MAD1L1: variants seen among roughly 807,000 people sequenced by gnomAD.
MAD1L1 encodes the protein mitotic spindle assembly checkpoint protein MAD1.
MAD1L1 carries 95 observed loss-of-function variants against 96.9 expected under a neutral mutation model. That is an observed-to-expected ratio of 0.98 (90% CI 0.83 to 1.16). MAD1L1 has a LOEUF of 1.16. Ranked by LOEUF, MAD1L1 falls within the 50% of genes most tolerant of loss-of-function variation. The pLI is 0.00. For synonymous variants in MAD1L1, 473 were observed against 396.6 expected (o/e 1.19, Z -2.29); for missense variants, 1,007 against 954.4 (o/e 1.06, Z -0.73).
chr7:1,927,539 G>A (rs753263380), intron 17 of MAD1L1, among the ~76,000 whole-genome samples: 3 of 152,134 alleles, frequency 2.0e-5, no homozygotes, highest in South Asian at 4.1e-4. Context: ...CCCCCATAAC[G>A]CATGGCCAAC....
At chr7:1,849,699 C>A in intron 18 of MAD1L1, 1 of 152,308 alleles carries the variant, frequency 6.6e-6, no homozygotes. Flanking sequence ...AGGTGGAACC[C>A]CAGGTGTAAA....
rs1301270210 is a variant in MAD1L1 at position 1,819,604 on chromosome 7, A to G, written c.1999-3376T>C. Among the ~76,000 whole-genome samples, 3 of 152,064 alleles carry G rather than the reference A, an allele frequency of 2.0e-5. No homozygotes were observed. The East Asian group carries it at 5.8e-4, about 29-fold the overall frequency. On this transcript the variant is annotated intron_variant, in intron 18 of 18. Transcript: ENST00000265854. ...CAGCTCTGCCACGTGAGCAGTGCTC[A>G]CTCGGTGCCTAGGGCTGACTAGTCT...
At chr7:2,087,237 C>A (rs1467912920) in intron 11 of MAD1L1, among the ~76,000 whole-genome samples, 1 of 152,160 alleles carries the variant, frequency 6.6e-6, no homozygotes. Context: ...AATTTTACTA[C>A]CAATAAATAA....
At chr7:1,854,484 T>G in intron 18 of MAD1L1, 1 of 406,202 alleles carries the variant, frequency 2.5e-6, no homozygotes, top group East Asian at 7.8e-5. Context: ...ACTTGGTGTT[T>G]GGTGATGGAG....
At chr7:2,049,451 G>T (rs1784069594) in intron 12 of MAD1L1, among the ~76,000 whole-genome samples, 1 of 152,250 alleles carries the variant, frequency 6.6e-6, no homozygotes. Context: ...GGTGGCAAAA[G>T]GCTCGGGGGC....
chr7:2,169,989 C>T (rs954882985), intron 10 of MAD1L1, among the ~76,000 whole-genome samples: 1 of 152,230 alleles, frequency 6.6e-6, no homozygotes, highest in African/African-American at 2.4e-5. Context: ...TGAGACGAGA[C>T]AGGATGCAGA....
At chr7:2,220,671 C>T (rs972265497) in intron 5 of MAD1L1, among the ~76,000 whole-genome samples, 5 of 152,212 alleles carry the variant, frequency 3.3e-5, no homozygotes, top group Non-Finnish European at 7.4e-5. Flanking sequence ...CAGCTTAGGG[C>T]CTGCTGAAGC....
intron 11 of MAD1L1, among the ~76,000 whole-genome samples, chr7:2,099,752 T>TC (rs1266674958): frequency 1.3e-5 from 2 of 152,190 alleles, no homozygotes; most frequent in African/African-American, 4.8e-5. Flanking sequence ...CTGTGAACAG[T>TC]CCTCAGGCGT....
At chr7:1,840,140 GAC>G (rs1783170009) in intron 18 of MAD1L1, among the ~76,000 whole-genome samples, 1 of 152,312 alleles carries the variant, frequency 6.6e-6, no homozygotes, top group Admixed American at 6.5e-5. Context: ...GCCCAGGTCT[GAC>G]ACTCTCTTTC....
At chr7:2,225,686 C>G in intron 3 of MAD1L1, 136 bp from the exon 4 acceptor site, 1 of 930,710 alleles carries the variant, frequency 1.1e-6, no homozygotes, top group Non-Finnish European at 1.6e-6. Context: ...GTGGCCCAGC[C>G]ACTGGGCTCC....
intron 10 of MAD1L1, among the ~76,000 whole-genome samples, chr7:2,182,540 C>A (rs1461018064): frequency 6.6e-6 from 1 of 152,076 alleles, no homozygotes; most frequent in African/African-American, 2.4e-5. Flanking sequence ...TCGTAATAGC[C>A]AGAAAGTGAA....
intron 18 of MAD1L1, among the ~76,000 whole-genome samples, chr7:1,835,938 T>C (rs1445585584): frequency 6.6e-6 from 1 of 152,240 alleles, no homozygotes; most frequent in East Asian, 1.9e-4. Flanking sequence ...TTGTAAGCTG[T>C]CATGGCACTG....
intron 12 of MAD1L1, among the ~76,000 whole-genome samples, chr7:2,051,036 C>T (rs1205973436): frequency 2.0e-5 from 3 of 152,200 alleles, no homozygotes; most frequent in Non-Finnish European, 4.4e-5. Flanking sequence ...TGGATTTCTT[C>T]GAAACTGAGT....
chr7:2,018,481 C>T (rs1432038279), intron 12 of MAD1L1, among the ~76,000 whole-genome samples: 1 of 152,182 alleles, frequency 6.6e-6, no homozygotes, highest in African/African-American at 2.4e-5. Flanking sequence ...GCAGGCGCGT[C>T]CCGCACGATG....
At chr7:1,944,731 G>A (rs1779152553) in intron 16 of MAD1L1, among the ~76,000 whole-genome samples, 1 of 152,170 alleles carries the variant, frequency 6.6e-6, no homozygotes, top group Non-Finnish European at 1.5e-5. Flanking sequence ...CACCCCGTCG[G>A]CCCTCTCCCA....
At chr7:2,130,980 G>A (rs1055858570) in intron 11 of MAD1L1, among the ~76,000 whole-genome samples, 1 of 152,166 alleles carries the variant, frequency 6.6e-6, no homozygotes. Flanking sequence ...TGAATGATCC[G>A]GAACTTCCAC....
intron 16 of MAD1L1, among the ~76,000 whole-genome samples, chr7:1,946,863 C>T (rs1262924059): frequency 6.6e-6 from 1 of 152,224 alleles, no homozygotes; most frequent in Non-Finnish European, 1.5e-5. Flanking sequence ...GCCTTGTAAG[C>T]CCACACCTGT....
chr7:1,882,492 G>A (rs1785746026), intron 18 of MAD1L1, among the ~76,000 whole-genome samples: 2 of 152,290 alleles, frequency 1.3e-5, no homozygotes, highest in South Asian at 4.1e-4. Context: ...AGGGGTGAGG[G>A]GCGCGCGGGC....
chr7:2,001,846 C>T (rs983418538), intron 14 of MAD1L1, among the ~76,000 whole-genome samples: 62 of 152,206 alleles, frequency 4.1e-4, no homozygotes, highest in Non-Finnish European at 7.9e-4. Context: ...GTGGTGGGGC[C>T]CGAGGGGCTG....
Sources: allele counts gnomAD v4.1 joint callset (sites outside exome capture counted in the v4.1 genomes callset), GRCh38; gene constraint gnomAD v4.1.1; transcripts MANE v1.5; gene names NCBI Gene and HGNC (gene_info 2026-07-23, HGNC 2026-07-21).